CNBD1: variants seen among roughly 807,000 people sequenced by gnomAD.
CNBD1 encodes cyclic nucleotide binding domain containing 1, also known as cyclic nucleotide-binding domain-containing protein 1.
CNBD1 carries 71 observed loss-of-function variants against 54.4 expected under a neutral mutation model. That is an observed-to-expected ratio of 1.30 (90% confidence interval 1.08 to 1.59). The LOEUF is 1.59. CNBD1 is among the 40% of genes most tolerant of loss of function. The pLI is 0.00. For synonymous variants in CNBD1, 182 were observed against 170.7 expected (o/e 1.07, Z -0.51); for missense variants, 659 against 518.0 (o/e 1.27, Z -2.64).
At chr8:86,880,532 G>T (rs1427887940) in intron 1 of CNBD1, among the ~76,000 whole-genome samples, 1 of 152,076 alleles carries the variant, frequency 6.6e-6, no homozygotes, top group Non-Finnish European at 1.5e-5. Context: ...AGCATCTATG[G>T]ATTTTTGTAC....
At chr8:86,978,534 C>CTTTTTT (rs71277907) in intron 4 of CNBD1, among the ~76,000 whole-genome samples, 33 of 66,674 alleles carry the variant, frequency 4.9e-4, no homozygotes, top group African/African-American at 5.5e-4. Context: ...ATGCTTTTAT[C>CTTTTTT]TTTTTTTTTT....
intron 10 of CNBD1, among the ~76,000 whole-genome samples, chr8:87,365,941 AATG>A (rs1384035254): frequency 1.3e-5 from 2 of 152,024 alleles, no homozygotes; most frequent in African/African-American, 4.8e-5. Flanking sequence ...AACTCAATGT[AATG>A]ATTTTACGAT....
chr8:87,310,190 A>T (rs922368121), intron 8 of CNBD1, among the ~76,000 whole-genome samples: 1 of 152,190 alleles, frequency 6.6e-6, no homozygotes, highest in Middle Eastern at 3.4e-3. Flanking sequence ...CTCCATCTCT[A>T]CAAAAAAGTT....
At chr8:87,247,218 C>T (rs1266402703) in intron 6 of CNBD1, among the ~76,000 whole-genome samples, 7 of 152,136 alleles carry the variant, frequency 4.6e-5, no homozygotes, top group Non-Finnish European at 7.3e-5. Flanking sequence ...GCAGTTGATT[C>T]GCTTCTAGCA....
chr8:87,083,581 A>AT (rs1462355290), intron 4 of CNBD1, among the ~76,000 whole-genome samples: 66 of 129,448 alleles, frequency 5.1e-4, no homozygotes, highest in African/African-American at 1.9e-3. Context: ...AAACCAATGT[A>AT]TTTCTTTTTT....
chr8:87,091,797 A>AT (rs11451097), intron 4 of CNBD1, among the ~76,000 whole-genome samples: 49,432 of 151,202 alleles, frequency 0.33, 8,830 homozygotes, highest in African/African-American at 0.49. Context: ...TTTTACATAA[A>AT]TTTTTTTTTG....
At chr8:87,061,137 T>C (rs1810536529) in intron 4 of CNBD1, among the ~76,000 whole-genome samples, 1 of 152,238 alleles carries the variant, frequency 6.6e-6, no homozygotes, top group African/African-American at 2.4e-5. Flanking sequence ...CTGTTTGCAA[T>C]GAGCAATGTC....
chr8:86,906,530 A>T (rs1809020317), intron 3 of CNBD1, among the ~76,000 whole-genome samples: 1 of 152,162 alleles, frequency 6.6e-6, no homozygotes, highest in African/African-American at 2.4e-5. Context: ...ACTGTGATTT[A>T]TCAAGTTAAC....
At chr8:87,257,867 G>T (rs981270104) in intron 6 of CNBD1, among the ~76,000 whole-genome samples, 1 of 151,986 alleles carries the variant, frequency 6.6e-6, no homozygotes, top group African/African-American at 2.4e-5. Flanking sequence ...TTCTACTTGG[G>T]TTAGCATTTT....
intron 4 of CNBD1, among the ~76,000 whole-genome samples, chr8:86,974,499 T>C (rs1190873888): frequency 6.6e-6 from 1 of 152,070 alleles, no homozygotes; most frequent in Non-Finnish European, 1.5e-5. Flanking sequence ...TTGTTTATGA[T>C]AAATTGCTAT....
chr8:87,415,684 G>A (rs72668654), intron 2 of CNBD1, among the ~76,000 whole-genome samples: 3 of 151,858 alleles, frequency 2.0e-5, no homozygotes, highest in Non-Finnish European at 4.4e-5. Flanking sequence ...GCATTAATGA[G>A]CATTCTAGAT....
chr8:86,887,577 T>C lies in CNBD1; in HGVS notation c.124T>C (p.Leu42=), dbSNP rs748160158. The change falls in exon 2 of 11, where the codon TTG becomes CTG. Residue 42 remains leucine, a synonymous_variant. Coordinates refer to ENST00000518476, the MANE Select transcript of CNBD1 (RefSeq NM_173538.3). ...KKSKHINYGQ[L]NALCHIRGQH... ...GTCTAAGCACATTAATTATGGCCAG[T>C]TGAATGCATTATGCCACATTAGAGG... 1 of 1,581,720 alleles carries C rather than the reference T, an allele frequency of 6.3e-7. No homozygotes were observed. The highest frequency in any genetic ancestry group is 2.3e-5 in the East Asian group (1 of 44,102).
intron 3 of CNBD1, among the ~76,000 whole-genome samples, chr8:86,925,848 G>A (rs537689492): frequency 6.6e-6 from 1 of 151,892 alleles, no homozygotes; most frequent in African/African-American, 2.4e-5. Context: ...ATGGAGCCAC[G>A]GAACTTGGCA....
At chr8:87,360,618 A>T (rs1318021559) in intron 10 of CNBD1, among the ~76,000 whole-genome samples, 4 of 151,968 alleles carry the variant, frequency 2.6e-5, no homozygotes, top group Non-Finnish European at 5.9e-5. Flanking sequence ...TTAAATTCTC[A>T]TTCCACCATT....
At chr8:87,081,351 A>C (rs980005229) in intron 4 of CNBD1, among the ~76,000 whole-genome samples, 5 of 152,064 alleles carry the variant, frequency 3.3e-5, no homozygotes, top group African/African-American at 1.2e-4. Context: ...TTCCCTTGAG[A>C]TAAGAGAACA....
At chr8:87,294,587 A>T (rs1176039022) in intron 8 of CNBD1, among the ~76,000 whole-genome samples, 1 of 152,132 alleles carries the variant, frequency 6.6e-6, no homozygotes, top group Non-Finnish European at 1.5e-5. Flanking sequence ...TTATTTTCCT[A>T]CCCAGAGCCC....
intron 4 of CNBD1, among the ~76,000 whole-genome samples, chr8:86,940,892 AGTACAGTAACAT>A (rs1354136210): frequency 2.6e-5 from 4 of 152,244 alleles, no homozygotes; most frequent in African/African-American, 9.6e-5. Flanking sequence ...TACAGTATAC[AGTACAGTAACAT>A]GTTTTGCAGG....
intron 4 of CNBD1, among the ~76,000 whole-genome samples, chr8:87,123,579 T>C (rs559644680): frequency 3.3e-5 from 5 of 151,550 alleles, no homozygotes; most frequent in African/African-American, 1.2e-4. Flanking sequence ...AGATCTCAAA[T>C]AAATAATCTA....
intron 4 of CNBD1, among the ~76,000 whole-genome samples, chr8:87,173,954 A>G (rs1481083210): frequency 6.7e-6 from 1 of 149,994 alleles, no homozygotes; most frequent in African/African-American, 2.5e-5. Flanking sequence ...CTTTTTATTT[A>G]TTTATTTATT....
Sources: allele counts gnomAD v4.1 joint callset (sites outside exome capture counted in the v4.1 genomes callset), GRCh38; gene constraint gnomAD v4.1.1; transcripts MANE v1.5; gene names NCBI Gene and HGNC (gene_info 2026-07-23, HGNC 2026-07-21).